The following THSD7B variants were observed in gnomAD, a reference collection of about 807,000 sequenced individuals.
The protein encoded by THSD7B is thrombospondin type-1 domain-containing protein 7B.
Under a neutral mutation model 213.6 loss-of-function variants are expected in THSD7B, and 138 were observed. That is an observed-to-expected ratio of 0.65 (90% confidence interval 0.56 to 0.74). The LOEUF (loss-of-function observed/expected upper bound fraction) is 0.74, where lower values mean the gene tolerates loss of function less well. Among genes scored for constraint, THSD7B ranks in the 30% least tolerant of loss-of-function variants. THSD7B has a pLI of 0.00. For synonymous variants in THSD7B, 742 were observed against 687.0 expected (o/e 1.08, Z -1.25); for missense variants, 1,931 against 1,991.5 (o/e 0.97, Z 0.58).
At chr2:137,309,837 C>A (rs557661670) in intron 12 of THSD7B, among the ~76,000 whole-genome samples, 5 of 152,228 alleles carry the variant, frequency 3.3e-5, no homozygotes, top group South Asian at 2.1e-4. Context: ...GACATGAACT[C>A]ATCATTTTTT....
intron 12 of THSD7B, among the ~76,000 whole-genome samples, chr2:137,321,396 A>G (rs1416144528): frequency 1.3e-5 from 2 of 152,206 alleles, no homozygotes; most frequent in Non-Finnish European, 2.9e-5. Context: ...TTTGTATATG[A>G]AAGTCACGCA....
intron 12 of THSD7B, among the ~76,000 whole-genome samples, chr2:137,330,552 C>T (rs113846801): frequency 0.1 from 15,719 of 152,018 alleles, 968 homozygotes; most frequent in Non-Finnish European, 0.12. Context: ...GGTTCGTGGT[C>T]GTGCTGGCTC....
At chr2:137,078,975 T>G (rs1687688379) in intron 3 of THSD7B, among the ~76,000 whole-genome samples, 1 of 152,130 alleles carries the variant, frequency 6.6e-6, no homozygotes, top group Non-Finnish European at 1.5e-5. Context: ...TTTGTGATAT[T>G]TCTATTTTTT....
intron 1 of THSD7B, among the ~76,000 whole-genome samples, chr2:136,876,681 T>C (rs1158217574): frequency 1.3e-5 from 2 of 152,214 alleles, no homozygotes; most frequent in East Asian, 3.8e-4. Flanking sequence ...ATCTAGTGTA[T>C]GTGTGTGTAT....
At chr2:137,090,550 C>A (rs1687931959) in intron 3 of THSD7B, among the ~76,000 whole-genome samples, 1 of 151,990 alleles carries the variant, frequency 6.6e-6, no homozygotes, top group African/African-American at 2.4e-5. Flanking sequence ...GAATTACTAG[C>A]GTAATTTTTG....
Position 137,102,966 on chromosome 2 carries a change from G to A in THSD7B, c.1199+7845G>A, listed in dbSNP as rs1301485124. ...GAACCAAGTTGGAAAACACTCTTCA[G>A]GATATTATCCAGAAGAACTTCCCCA... is the stretch of plus-strand genomic sequence containing the variant. On this transcript the variant is annotated intron_variant, in intron 4 of 27. Transcript: ENST00000409968. Among the ~76,000 whole-genome samples, 6 of 152,258 alleles carry A rather than the reference G, an allele frequency of 3.9e-5. No individual in the cohort carries two copies. The East Asian group carries it at 1.2e-3, about 29-fold the overall frequency.
intron 16 of THSD7B, among the ~76,000 whole-genome samples, chr2:137,568,932 C>G (rs1031285027): frequency 6.6e-6 from 1 of 152,126 alleles, no homozygotes; most frequent in African/African-American, 2.4e-5. Flanking sequence ...CATCCTAATT[C>G]CTGGACTTTA....
intron 12 of THSD7B, among the ~76,000 whole-genome samples, chr2:137,402,521 GTTAT>G (rs1276056844): frequency 1.3e-5 from 2 of 151,850 alleles, no homozygotes; most frequent in Admixed American, 6.6e-5. Context: ...TTGAAAAAAT[GTTAT>G]TTATATACAT....
intron 12 of THSD7B, among the ~76,000 whole-genome samples, chr2:137,348,703 C>CTTTTTTTT (rs80150345): frequency 1.4e-4 from 16 of 110,926 alleles, no homozygotes; most frequent in South Asian, 3.2e-4. Flanking sequence ...CTATGAACTC[C>CTTTTTTTT]TTTTTTTTTT....
rs190673593 is a variant in THSD7B, at chr2:136,910,365, G to A, written c.139+28048G>A. 1.9e-4 allele frequency among the ~76,000 whole-genome samples: 29 copies of A among 152,180 alleles called. 1 individual carries two copies. The East Asian group carries it at 5.4e-3, about 28-fold the overall frequency. ...GGGTAGTGGAGCTTTTAGGAATGGG[G>A]GCTTGTGTTCACTCACATTTGGGAT... is the stretch of plus-strand genomic sequence containing the variant. On this transcript the variant is annotated intron_variant, in intron 2 of 27. Coordinates refer to ENST00000409968, the MANE Select transcript of THSD7B (RefSeq NM_001316349.2).
chr2:137,397,802 A>G (rs1410872304), intron 12 of THSD7B, among the ~76,000 whole-genome samples: 1 of 147,958 alleles, frequency 6.8e-6, no homozygotes, highest in Admixed American at 6.8e-5. Flanking sequence ...TTTCAGGTAC[A>G]CCAATCAGAC....
At position 137,312,249 on chromosome 2, in the gene THSD7B, C is replaced by T. The variant is rs185057367; in HGVS notation, c.2500+36223C>T. On this transcript the variant is annotated intron_variant, in intron 12 of 27. Transcript: ENST00000409968. ...TTTAGTCTTGGGAAAGTGTATGTGTCGAGGAATTTATCCATTTCTTCTAGA... is the reference window on the plus strand; with the variant it reads ...TTTAGTCTTGGGAAAGTGTATGTGTTGAGGAATTTATCCATTTCTTCTAGA... Among the ~76,000 whole-genome samples, 96 of 152,264 alleles carry T rather than the reference C, an allele frequency of 6.3e-4. 1 individual carries two copies. Among genetic ancestry groups the T allele is most frequent in the Admixed American group, 5.4e-3 (82 of 15,294 alleles).
At chr2:137,497,948 T>G (rs763443958) in intron 15 of THSD7B, among the ~76,000 whole-genome samples, 4 of 152,188 alleles carry the variant, frequency 2.6e-5, no homozygotes, top group Non-Finnish European at 5.9e-5. Context: ...GTAACCTTCC[T>G]GCCGAGAACT....
At chr2:136,822,251 C>T (rs889814623) in intron 1 of THSD7B, among the ~76,000 whole-genome samples, 23 of 152,108 alleles carry the variant, frequency 1.5e-4, no homozygotes, top group African/African-American at 4.8e-4. Flanking sequence ...CCATCCAGAC[C>T]GGCCTCCACC....
chr2:137,236,788 T>C (rs968977370), intron 9 of THSD7B, among the ~76,000 whole-genome samples: 1 of 152,068 alleles, frequency 6.6e-6, no homozygotes, highest in African/African-American at 2.4e-5. Flanking sequence ...TGTAGCCCAA[T>C]GTGATGTATT....
intron 17 of THSD7B, among the ~76,000 whole-genome samples, chr2:137,582,419 C>T (rs532192527): frequency 6.6e-6 from 1 of 152,074 alleles, no homozygotes; most frequent in Non-Finnish European, 1.5e-5. Context: ...ATCCATGTGC[C>T]GTGTTGGTGT....
chr2:137,193,451 T>C (rs1680699846), intron 7 of THSD7B, among the ~76,000 whole-genome samples: 1 of 152,188 alleles, frequency 6.6e-6, no homozygotes, highest in Admixed American at 6.5e-5. Context: ...TGAAATGTAC[T>C]CTCTTAGCAA....
chr2:137,632,636 T>C (rs903711041), intron 20 of THSD7B, among the ~76,000 whole-genome samples: 4 of 152,208 alleles, frequency 2.6e-5, no homozygotes, highest in South Asian at 2.1e-4. Context: ...ATATACATAC[T>C]CTACCATTGA....
At chr2:137,588,458 CT>C (rs1681790893) in intron 17 of THSD7B, among the ~76,000 whole-genome samples, 1 of 151,146 alleles carries the variant, frequency 6.6e-6, no homozygotes, top group Non-Finnish European at 1.5e-5. Flanking sequence ...TAAAATACCT[CT>C]GGAGCTGGAA....
Sources: allele counts gnomAD v4.1 joint callset (sites outside exome capture counted in the v4.1 genomes callset), GRCh38; gene constraint gnomAD v4.1.1; transcripts MANE v1.5; gene names NCBI Gene and HGNC (gene_info 2026-07-23, HGNC 2026-07-21).